Variants in FAT3 observed in about 807,000 individuals in gnomAD.
The protein encoded by FAT3 is FAT atypical cadherin 3.
Under a neutral mutation model 310.2 loss-of-function variants are expected in FAT3, and 95 were observed. The ratio of observed to expected loss-of-function variants is 0.31; its 90% CI spans 0.26 to 0.36. The LOEUF (loss-of-function observed/expected upper bound fraction) is 0.36, where lower values mean the gene tolerates loss of function less well. FAT3 is among the 10% of genes least tolerant of loss of function. The probability of loss-of-function intolerance (pLI) is 1.00; values close to 1 mark genes in which losing one functional copy is unlikely to be tolerated. For synonymous variants in FAT3, 2,314 were observed against 2,192.9 expected (o/e 1.06, Z -1.54); for missense variants, 5,408 against 5,715.6 (o/e 0.95, Z 1.74).
intron 3 of FAT3, among the ~76,000 whole-genome samples, chr11:92,622,951 A>G (rs1433370123): frequency 1.3e-5 from 2 of 151,954 alleles, no homozygotes; most frequent in African/African-American, 2.4e-5. Context: ...TTCCATGACA[A>G]TATATCAGCC....
chr11:92,451,548 G>A (rs945384337), intron 2 of FAT3, among the ~76,000 whole-genome samples: 5 of 152,180 alleles, frequency 3.3e-5, no homozygotes, highest in African/African-American at 1.2e-4. Flanking sequence ...AGGGAGGAAA[G>A]ACACAAACCT....
At chr11:92,233,457 A>T (rs1184043679) in intron 1 of FAT3, among the ~76,000 whole-genome samples, 1 of 152,208 alleles carries the variant, frequency 6.6e-6, no homozygotes, top group Non-Finnish European at 1.5e-5. Flanking sequence ...AAGTATACTA[A>T]GAGTGCTACT....
chr11:92,431,551 A>G (rs1950778488), intron 2 of FAT3, among the ~76,000 whole-genome samples: 1 of 152,000 alleles, frequency 6.6e-6, no homozygotes, highest in Non-Finnish European at 1.5e-5. Flanking sequence ...TTTTGTTGCC[A>G]TTGCTTTTGG....
At chr11:92,467,561 T>C (rs1024880450) in intron 2 of FAT3, among the ~76,000 whole-genome samples, 1 of 152,146 alleles carries the variant, frequency 6.6e-6, no homozygotes, top group Non-Finnish European at 1.5e-5. Context: ...ATAATTTAAA[T>C]AGTTTTATCA....
intron 3 of FAT3, among the ~76,000 whole-genome samples, chr11:92,571,441 G>T (rs891267110): frequency 6.6e-6 from 1 of 152,182 alleles, no homozygotes; most frequent in South Asian, 2.1e-4. Flanking sequence ...CAGTCATCAG[G>T]ATCCTAACTG....
chr11:92,335,976 A>C (rs1052631690), intron 1 of FAT3: 2 of 435,200 alleles, frequency 4.6e-6, no homozygotes, highest in Non-Finnish European at 8.9e-6. Flanking sequence ...ATTAGGTCAG[A>C]ATGGCAGGCA....
chr11:92,567,914 A>G (rs1305758201), intron 3 of FAT3, among the ~76,000 whole-genome samples: 2 of 142,430 alleles, frequency 1.4e-5, no homozygotes, highest in Non-Finnish European at 3.0e-5. Context: ...GGGGGGAGGG[A>G]TAGCATTGGG....
At chr11:92,260,724 G>A (rs935536515) in intron 1 of FAT3, among the ~76,000 whole-genome samples, 2 of 152,074 alleles carry the variant, frequency 1.3e-5, no homozygotes, top group African/African-American at 4.8e-5. Flanking sequence ...CTATCTTGAA[G>A]TTTACACAGT....
At chr11:92,417,926 T>C (rs1231696400) in intron 2 of FAT3, among the ~76,000 whole-genome samples, 2 of 152,144 alleles carry the variant, frequency 1.3e-5, no homozygotes, top group African/African-American at 4.8e-5. Flanking sequence ...GCAGTAGATA[T>C]AGAAGGTGCT....
chr11:92,497,922 A>C (rs1220393496), intron 2 of FAT3, among the ~76,000 whole-genome samples: 1 of 152,008 alleles, frequency 6.6e-6, no homozygotes, highest in Non-Finnish European at 1.5e-5. Flanking sequence ...TCTGGTTTTC[A>C]GATCCCTTTT....
intron 1 of FAT3, among the ~76,000 whole-genome samples, chr11:92,250,794 G>A (rs990124222): frequency 2.0e-5 from 3 of 152,078 alleles, no homozygotes; most frequent in African/African-American, 7.2e-5. Flanking sequence ...CATTGCTTCA[G>A]AACCATTTTT....
chr11:92,834,910 CA>C lies in FAT3; in HGVS notation c.9916del (p.Arg3306GlyfsTer5). On this transcript the variant is annotated frameshift_variant, in exon 15 of 28. Transcript: ENST00000525166. LOFTEE classifies it high-confidence loss of function. The stretch of plus-strand genomic sequence containing the variant: ...CTGAAGTCCTGGACTATGAATTATG[CA>C]AAAGGTTTTACCTGGTAGTGGAAGC... ...VSEVLDYELC[K>X]RFYLVVEAKD... 4 of 1,612,738 alleles carry C rather than the reference CA, an allele frequency of 2.5e-6. No homozygotes were observed. Among genetic ancestry groups the C allele is most frequent in the Non-Finnish European group, 3.4e-6 (4 of 1,179,386 alleles).
Position 92,765,106 on chromosome 11 carries a change from C to T in FAT3, c.4195+17C>T, listed in dbSNP as rs1158197613. On this transcript the variant is annotated intron_variant, in intron 6 of 27. Transcript: ENST00000525166. ...ACATAGTTGGTAAGTTCGAGTCTTACAGAGCAGTATCATGCAATGTAATAA... is the reference window on the plus strand; with the variant it reads ...ACATAGTTGGTAAGTTCGAGTCTTATAGAGCAGTATCATGCAATGTAATAA... 5 of 1,579,838 alleles carry T rather than the reference C, an allele frequency of 3.2e-6. No homozygotes were observed. The African/African-American group carries it at 5.7e-5, about 18-fold the overall frequency.
chr11:92,820,128 T>A (rs1378198410), intron 13 of FAT3, among the ~76,000 whole-genome samples: 1 of 152,346 alleles, frequency 6.6e-6, no homozygotes, highest in Admixed American at 6.5e-5. Flanking sequence ...CTGCTCAGAC[T>A]GCCATAACGA....
At chr11:92,685,699 A>G (rs1032469744) in intron 3 of FAT3, among the ~76,000 whole-genome samples, 3 of 151,898 alleles carry the variant, frequency 2.0e-5, no homozygotes, top group African/African-American at 7.2e-5. Flanking sequence ...AAAAGATACA[A>G]TGAGTAGCCT....
intron 1 of FAT3, among the ~76,000 whole-genome samples, chr11:92,236,647 T>C (rs1466241264): frequency 1.3e-5 from 2 of 152,308 alleles, no homozygotes; most frequent in East Asian, 1.9e-4. Context: ...TAATTTCTTA[T>C]TAAGTGATCT....
In FAT3 at chr11:92,876,521, C is replaced by T. The variant is rs146107105; in HGVS notation, c.12128-4210C>T. 4.5e-3 allele frequency among the ~76,000 whole-genome samples: 682 copies of T among 152,302 alleles called. 8 individuals carry two copies. The highest frequency in any genetic ancestry group is 0.015 in the African/African-American group (627 of 41,558). ...ATCAACAATGGCCTTTCCTTAGGAG[C>T]TCCTTGGTCTTTCCTTGGCTTTGCG... On this transcript the variant is annotated intron_variant, in intron 22 of 27. Transcript: ENST00000525166.
intron 3 of FAT3, among the ~76,000 whole-genome samples, chr11:92,643,703 C>G (rs1196969330): frequency 6.6e-6 from 1 of 152,220 alleles, no homozygotes; most frequent in African/African-American, 2.4e-5. Context: ...ATTGTGATCA[C>G]TGCCCATAAA....
chr11:92,311,259 T>C (rs796731213), intron 1 of FAT3, among the ~76,000 whole-genome samples: 6 of 152,292 alleles, frequency 3.9e-5, no homozygotes, highest in African/African-American at 1.2e-4. Context: ...CTGAGCTTTA[T>C]TGAAAAAAAT....
Sources: allele counts gnomAD v4.1 joint callset (sites outside exome capture counted in the v4.1 genomes callset), GRCh38; gene constraint gnomAD v4.1.1; transcripts MANE v1.5; gene names NCBI Gene and HGNC (gene_info 2026-07-23, HGNC 2026-07-21).